Variants in MRPL48 observed in about 807,000 individuals in gnomAD.
MRPL48 encodes mitochondrial ribosomal protein L48, also known as large ribosomal subunit protein mL48.
Under a neutral mutation model 32.9 loss-of-function variants are expected in MRPL48, and 16 were observed. The observed-to-expected ratio is 0.49, with a 90% CI of 0.33 to 0.74. The LOEUF is 0.74. Among genes scored for constraint, MRPL48 ranks in the 30% least tolerant of loss-of-function variants. MRPL48 has a pLI of 0.02. For synonymous variants in MRPL48, 94 were observed against 89.2 expected (o/e 1.05, Z -0.31); for missense variants, 206 against 245.3 (o/e 0.84, Z 1.07).
intron 3 of MRPL48, among the ~76,000 whole-genome samples, chr11:73,814,227 C>CAA (rs888981451): frequency 1.0e-4 from 15 of 144,024 alleles, no homozygotes; most frequent in African/African-American, 3.6e-4. Flanking sequence ...TCCATCTCTA[C>CAA]AAAAAAAAAA....
At chr11:73,863,026 G>T in intron 6 of MRPL48, 146 bp from the exon 7 acceptor site, 1 of 698,196 alleles carries the variant, frequency 1.4e-6, no homozygotes. Context: ...GTAGAGGCCA[G>T]CTCAGAAACC....
At chr11:73,829,142 A>C (rs772556071) in intron 4 of MRPL48, among the ~76,000 whole-genome samples, 17 of 152,038 alleles carry the variant, frequency 1.1e-4, no homozygotes, top group Non-Finnish European at 2.1e-4. Flanking sequence ...ACCACGCTTT[A>C]ACTGTATTGG....
intron 3 of MRPL48, among the ~76,000 whole-genome samples, chr11:73,815,659 C>T (rs1416148057): frequency 2.0e-5 from 3 of 151,848 alleles, no homozygotes; most frequent in African/African-American, 4.8e-5. Context: ...CAGCCTAAGT[C>T]TAGGACTATT....
intron 5 of MRPL48, among the ~76,000 whole-genome samples, chr11:73,857,993 G>A (rs1948516217): frequency 6.6e-6 from 1 of 152,168 alleles, no homozygotes; most frequent in South Asian, 2.1e-4. Flanking sequence ...TGAAGTAAGT[G>A]TTAAAGAATA....
intron 5 of MRPL48, among the ~76,000 whole-genome samples, chr11:73,846,033 A>G (rs990018233): frequency 1.4e-5 from 2 of 139,214 alleles, no homozygotes; most frequent in Non-Finnish European, 3.0e-5. Context: ...GTGCCACTGC[A>G]CTCCAGCGTG....
At chr11:73,808,179 G>C in intron 2 of MRPL48, 134 bp from the exon 3 acceptor site, 1 of 890,408 alleles carries the variant, frequency 1.1e-6, no homozygotes, top group Non-Finnish European at 1.7e-6. Context: ...TAAAGTTTGT[G>C]GAAGGAAGAA....
At chr11:73,808,981 A>T (rs984558092) in intron 3 of MRPL48, among the ~76,000 whole-genome samples, 43 of 151,856 alleles carry the variant, frequency 2.8e-4, no homozygotes, top group African/African-American at 6.0e-4. Flanking sequence ...GTCTCTACAA[A>T]AATTTTTTTA....
chr11:73,853,942 G>T (rs928635117), intron 5 of MRPL48, among the ~76,000 whole-genome samples: 1 of 151,852 alleles, frequency 6.6e-6, no homozygotes, highest in Non-Finnish European at 1.5e-5. Flanking sequence ...CGCCCACCTC[G>T]GCCTCCCAAA....
intron 4 of MRPL48, among the ~76,000 whole-genome samples, chr11:73,840,081 T>TA (rs1948162174): frequency 6.8e-6 from 1 of 147,626 alleles, no homozygotes; most frequent in South Asian, 2.1e-4. Context: ...CTGGGCAATA[T>TA]AGTGAGACCC....
At chr11:73,811,782 C>T (rs1013620938) in intron 3 of MRPL48, among the ~76,000 whole-genome samples, 1 of 152,086 alleles carries the variant, frequency 6.6e-6, no homozygotes. Flanking sequence ...CAACCTAATA[C>T]TATTAAAATT....
rs1248172859 is a variant in MRPL48 at position 73,846,805 on chromosome 11, C to T, written c.371+1829C>T. Among the ~76,000 whole-genome samples the T allele has an allele frequency of 4.0e-5, 6 of 151,884 alleles. No homozygotes were observed. The South Asian group carries it at 6.2e-4, about 16-fold the overall frequency. Reference sequence around the variant, plus strand: ...GCAGCCTCAACCTCCTAGGCTCAAGCGATCCTCCTCTCTCTCCCAAATAGC... The same window carrying T: ...GCAGCCTCAACCTCCTAGGCTCAAGTGATCCTCCTCTCTCTCCCAAATAGC... On this transcript the variant is annotated intron_variant, in intron 5 of 7. Transcript: ENST00000310614.
chr11:73,794,747 C>CT (rs1356375156), intron 1 of MRPL48, among the ~76,000 whole-genome samples: 9,213 of 134,838 alleles, frequency 0.068, 365 homozygotes, highest in Middle Eastern at 0.12. Context: ...TACTTCTTTT[C>CT]TTTTTTTTTT....
intron 2 of MRPL48, among the ~76,000 whole-genome samples, chr11:73,806,069 G>A (rs763415318): frequency 1.4e-4 from 21 of 151,700 alleles, no homozygotes; most frequent in Non-Finnish European, 2.7e-4. Flanking sequence ...GGTCTCCCTA[G>A]TTTACCTTTG....
At chr11:73,804,939 G>A (rs1947421966) in intron 1 of MRPL48, 88 bp from the exon 2 acceptor site, 1 of 1,248,586 alleles carries the variant, frequency 8.0e-7, no homozygotes, top group Non-Finnish European at 1.1e-6. Context: ...TCTGGTTTGT[G>A]TACTGTGGGT....
chr11:73,818,156 A>G lies in MRPL48; in HGVS notation c.113-7552A>G, dbSNP rs1467816690. Among the ~76,000 whole-genome samples the G allele has an allele frequency of 2.0e-5, 3 of 152,044 alleles. No homozygotes were observed. The East Asian group carries it at 5.8e-4, about 29-fold the overall frequency. ...GAAATTTCAGAATTGAATTACAATG[A>G]TGTTCAGAAAGGAAGAGTAGGGAAA... On this transcript the variant is annotated intron_variant, in intron 3 of 7. Coordinates refer to ENST00000310614, the MANE Select transcript of MRPL48 (RefSeq NM_016055.6).
At chr11:73,817,851 C>T (rs566532356) in intron 3 of MRPL48, 29 of 387,042 alleles carry the variant, frequency 7.5e-5, no homozygotes, top group Non-Finnish European at 1.4e-4. Context: ...GTGGCCCAGG[C>T]TTGAGTACAG....
chr11:73,790,030 G>T (rs1947119625), intron 1 of MRPL48, among the ~76,000 whole-genome samples: 1 of 151,136 alleles, frequency 6.6e-6, no homozygotes, highest in African/African-American at 2.4e-5. Flanking sequence ...TGAGCAGCGG[G>T]GATTACAGGT....
In MRPL48 at chr11:73,788,058, G is replaced by T. The variant is rs114599618; in HGVS notation, c.21+66G>T. 4.4e-3 allele frequency: 6,976 copies of T among 1,598,974 alleles called. 282 individuals carry two copies. The African/African-American group carries it at 0.084, about 19-fold the overall frequency. On this transcript the variant is annotated intron_variant, in intron 1 of 7. Coordinates refer to ENST00000310614, the MANE Select transcript of MRPL48 (RefSeq NM_016055.6). ...GGACGGTGCAGAGAGGGGAGATGGC[G>T]GAGGGTGCAGAGCGGGGAGGTGGCG...
At chr11:73,791,075 A>G (rs1947143900) in intron 1 of MRPL48, among the ~76,000 whole-genome samples, 3 of 151,132 alleles carry the variant, frequency 2.0e-5, no homozygotes, top group South Asian at 4.2e-4. Flanking sequence ...TTGTAGAGAC[A>G]GGGTTTTGCC....
Sources: allele counts gnomAD v4.1 joint callset (sites outside exome capture counted in the v4.1 genomes callset), GRCh38; gene constraint gnomAD v4.1.1; transcripts MANE v1.5; gene names NCBI Gene and HGNC (gene_info 2026-07-23, HGNC 2026-07-21).